The following PIP5K1B variants were observed in gnomAD, a reference collection of about 807,000 sequenced individuals.
PIP5K1B encodes phosphatidylinositol 4-phosphate 5-kinase type-1 beta.
Under a neutral mutation model 67.0 loss-of-function variants are expected in PIP5K1B, and 42 were observed. The observed-to-expected ratio is 0.63, with a 90% CI of 0.49 to 0.81. PIP5K1B has a LOEUF of 0.81. PIP5K1B is among the 30% of genes least tolerant of loss of function. The pLI is 0.00. For synonymous variants in PIP5K1B, 214 were observed against 231.4 expected (o/e 0.92, Z 0.68); for missense variants, 459 against 646.3 (o/e 0.71, Z 3.14).
At chr9:68,870,528 TG>T (rs1340794835) in intron 5 of PIP5K1B, among the ~76,000 whole-genome samples, 6 of 152,218 alleles carry the variant, frequency 3.9e-5, no homozygotes, top group Non-Finnish European at 8.8e-5. Flanking sequence ...AAGAATTGTA[TG>T]TGGAAACCAA....
chr9:68,983,686 G>C (rs1245230508), intron 14 of PIP5K1B, among the ~76,000 whole-genome samples: 1 of 152,196 alleles, frequency 6.6e-6, no homozygotes, highest in African/African-American at 2.4e-5. Flanking sequence ...TGTAATGGCA[G>C]TGCATTACAG....
rs1000972395 is a variant in PIP5K1B, at chr9:68,994,129, C to T, written c.1620+2872C>T. On this transcript the variant is annotated intron_variant, in intron 15 of 15. Transcript: ENST00000265382. ...GATCTCGACTCACTGCAACCTCCAC[C>T]TCCCAGGTTCAAGCGATTCTCCTGC... Among the ~76,000 whole-genome samples the T allele has an allele frequency of 3.3e-5, 5 of 150,964 alleles. No individual in the cohort carries two copies. In the East Asian group the frequency reaches 9.8e-4, roughly 30 times the overall value.
chr9:68,803,508 C>T (rs764740052), intron 2 of PIP5K1B, among the ~76,000 whole-genome samples: 4 of 152,170 alleles, frequency 2.6e-5, no homozygotes, highest in Non-Finnish European at 4.4e-5. Context: ...GAAAGCCAGG[C>T]ATACCAGGAA....
chr9:68,922,346 G>A (rs1314183144), intron 11 of PIP5K1B, among the ~76,000 whole-genome samples: 4 of 151,688 alleles, frequency 2.6e-5, no homozygotes, highest in Admixed American at 6.6e-5. Context: ...GCCTGTAATC[G>A]CAGCTACTGA....
chr9:68,849,915 A>G (rs2132197084), intron 4 of PIP5K1B, among the ~76,000 whole-genome samples: 1 of 152,252 alleles, frequency 6.6e-6, no homozygotes, highest in East Asian at 1.9e-4. Flanking sequence ...AGTCTGATAT[A>G]TTTTTGAGCC....
At chr9:68,903,671 A>G (rs767771673) in intron 8 of PIP5K1B, among the ~76,000 whole-genome samples, 6 of 152,190 alleles carry the variant, frequency 3.9e-5, no homozygotes, top group Admixed American at 6.6e-5. Context: ...ACAATAATCC[A>G]TGCAAGATAG....
intron 12 of PIP5K1B, 95 bp downstream of exon 12, chr9:68,923,481 T>G: frequency 1.5e-6 from 1 of 646,024 alleles, no homozygotes; most frequent in Non-Finnish European, 2.7e-6. Flanking sequence ...CACATTTCTC[T>G]CCCTGCAGCA....
chr9:68,956,458 ACT>A (rs1054278900), intron 14 of PIP5K1B, among the ~76,000 whole-genome samples: 9 of 152,006 alleles, frequency 5.9e-5, no homozygotes, highest in Non-Finnish European at 2.9e-5. Context: ...GACTGAGGAG[ACT>A]CTGTCTCAGA....
At chr9:68,715,955 A>G (rs577259669) in intron 1 of PIP5K1B, among the ~76,000 whole-genome samples, 2 of 152,324 alleles carry the variant, frequency 1.3e-5, no homozygotes, top group African/African-American at 4.8e-5. Flanking sequence ...AATACCTGAG[A>G]TACTAGTGTC....
chr9:68,753,181 C>CTT lies in PIP5K1B; in HGVS notation c.-86+10535_-86+10536dup, dbSNP rs34880008. 3.0e-3 allele frequency among the ~76,000 whole-genome samples: 438 copies of CTT among 148,058 alleles called. 2 individuals carry two copies. The highest frequency in any genetic ancestry group is 0.014 in the Middle Eastern group (4 of 278). On this transcript the variant is annotated intron_variant, in intron 2 of 15. Coordinates refer to ENST00000265382, the MANE Select transcript of PIP5K1B (RefSeq NM_003558.4). Reference sequence around the variant, plus strand: ...GCCGTAATGAATACTGAATTCTAGGCTTTTTTTTTTTTAACATTTTAAAGA... The same window carrying CTT: ...GCCGTAATGAATACTGAATTCTAGGCTTTTTTTTTTTTTTAACATTTTAAAGA...
intron 4 of PIP5K1B, among the ~76,000 whole-genome samples, chr9:68,857,280 T>C (rs1203080181): frequency 6.6e-6 from 1 of 152,180 alleles, no homozygotes; most frequent in Non-Finnish European, 1.5e-5. Flanking sequence ...AGAAAACTAA[T>C]ACAAGGAAGA....
chr9:68,974,072 G>C (rs1398829322), intron 14 of PIP5K1B, among the ~76,000 whole-genome samples: 1 of 152,178 alleles, frequency 6.6e-6, no homozygotes. Flanking sequence ...GTTCCACCCT[G>C]TTGCCCAGGC....
At chr9:68,869,384 C>G (rs1823516309) in intron 5 of PIP5K1B, among the ~76,000 whole-genome samples, 1 of 152,152 alleles carries the variant, frequency 6.6e-6, no homozygotes, top group Admixed American at 6.5e-5. Context: ...ACAGTTTCAT[C>G]CCAAAACCAT....
chr9:68,855,198 T>C (rs1822704232), intron 4 of PIP5K1B, among the ~76,000 whole-genome samples: 1 of 152,190 alleles, frequency 6.6e-6, no homozygotes, highest in Non-Finnish European at 1.5e-5. Flanking sequence ...TCTCTTTTCT[T>C]GGTTTCAGTG....
In PIP5K1B at chr9:68,977,607, C is replaced by T. The variant is rs1029140521; in HGVS notation, c.1503-13533C>T. On this transcript the variant is annotated intron_variant, in intron 14 of 15. Coordinates refer to ENST00000265382, the MANE Select transcript of PIP5K1B (RefSeq NM_003558.4). ...GTTGTCTTGGATGTTATTTTGGTGG[C>T]GTATTTTTTTGCATTTATATATTTC... Among the ~76,000 whole-genome samples, 17 of 150,168 alleles carry T rather than the reference C, an allele frequency of 1.1e-4. No individual in the cohort carries two copies. The East Asian group carries it at 1.6e-3, about 14-fold the overall frequency.
intron 1 of PIP5K1B, among the ~76,000 whole-genome samples, chr9:68,732,724 G>C (rs1828503702): frequency 6.6e-6 from 1 of 152,176 alleles, no homozygotes; most frequent in Non-Finnish European, 1.5e-5. Flanking sequence ...CTTTTTGGGA[G>C]AGCTCAGAGT....
At chr9:68,976,858 C>T (rs905877204) in intron 14 of PIP5K1B, among the ~76,000 whole-genome samples, 2 of 152,224 alleles carry the variant, frequency 1.3e-5, no homozygotes, top group Admixed American at 6.5e-5. Context: ...TGCTGTGCGG[C>T]CTGGTTCCTA....
At position 69,005,881 on chromosome 9, in the gene PIP5K1B, C is replaced by CTTCTTT. The variant is rs569391858; in HGVS notation, c.1621-2564_1621-2563insCTTTTT. ...TTCTTTAGTGACCACTCATTTCTTT[C>CTTCTTT]TTTTTTTTTTTCTTTAGAGACAGGG... On this transcript the variant is annotated intron_variant, in intron 15 of 15. Coordinates refer to ENST00000265382, the MANE Select transcript of PIP5K1B (RefSeq NM_003558.4). 4.1e-3 allele frequency among the ~76,000 whole-genome samples: 604 copies of CTTCTTT among 147,184 alleles called. 2 individuals are homozygous for CTTCTTT. Among genetic ancestry groups the CTTCTTT allele is most frequent in the African/African-American group, 0.014 (546 of 40,278 alleles).
At chr9:68,797,699 C>T (rs1295185749) in intron 2 of PIP5K1B, among the ~76,000 whole-genome samples, 2 of 152,118 alleles carry the variant, frequency 1.3e-5, no homozygotes, top group Non-Finnish European at 2.9e-5. Flanking sequence ...GCTACAGATT[C>T]ACAAAGAGAT....
Sources: allele counts gnomAD v4.1 joint callset (sites outside exome capture counted in the v4.1 genomes callset), GRCh38; gene constraint gnomAD v4.1.1; transcripts MANE v1.5; gene names NCBI Gene and HGNC (gene_info 2026-07-23, HGNC 2026-07-21).